EZH1: variants seen among roughly 807,000 people sequenced by gnomAD.
EZH1 encodes the protein enhancer of zeste 1 polycomb repressive complex 2 subunit.
A neutral mutation model predicts 100.5 loss-of-function variants in EZH1; 33 were observed. The ratio of observed to expected loss-of-function variants is 0.33; its 90% CI spans 0.25 to 0.44. The LOEUF (loss-of-function observed/expected upper bound fraction) is 0.44, where lower values mean the gene tolerates loss of function less well. Ranked by LOEUF, EZH1 falls within the 20% of genes least tolerant of loss-of-function variation. The pLI is 1.00. For missense variants in EZH1, 475 were observed against 928.4 expected (o/e 0.51, Z 6.35); for synonymous variants, 272 against 313.8 (o/e 0.87, Z 1.41).
intron 6 of EZH1, among the ~76,000 whole-genome samples, chr17:42,721,473 G>T (rs1295224377): frequency 2.0e-5 from 3 of 152,128 alleles, no homozygotes; most frequent in African/African-American, 7.2e-5. Context: ...CAGAGAAAGA[G>T]AAATAAAGAA....
chr17:42,712,937 C>T (rs777281110), intron 11 of EZH1, among the ~76,000 whole-genome samples: 12 of 148,624 alleles, frequency 8.1e-5, no homozygotes, highest in Non-Finnish European at 1.6e-4. Flanking sequence ...ACTTGGGAGG[C>T]TGAGGCAGGA....
Position 42,718,264 on chromosome 17 carries a change from G to T in EZH1, c.931+190C>A. On this transcript the variant is annotated intron_variant, in intron 9 of 20. Coordinates refer to ENST00000428826, the MANE Select transcript of EZH1 (RefSeq NM_001991.5). This position sits in a 1 kb window ranked among gnomAD's most constrained non-coding sequence, Gnocchi z 4.2. The stretch of plus-strand genomic sequence containing the variant: ...AGAGGTACTGAGGGACAGATAAGTT[G>T]CTAGTTAGTCTGTCCCTATCATGCA... The T allele has an allele frequency of 1.2e-6, 1 of 841,264 alleles. No homozygotes were observed. Among genetic ancestry groups the T allele is most frequent in the Non-Finnish European group, 1.8e-6 (1 of 548,670 alleles). 52.1% of individuals were successfully genotyped at this position (841,264 alleles called of 1,614,324 possible). A position where few individuals can be genotyped will look rare whatever the true frequency, so the allele number is the denominator to read the frequency against.
chr17:42,732,980 C>T (rs2053981747), intron 1 of EZH1, among the ~76,000 whole-genome samples: 1 of 145,536 alleles, frequency 6.9e-6, no homozygotes, highest in African/African-American at 2.6e-5. Flanking sequence ...ATAATTTCAA[C>T]ACTTTGGGAC....
intron 10 of EZH1, chr17:42,714,449 A>G: frequency 3.1e-6 from 1 of 320,638 alleles, no homozygotes. Flanking sequence ...TGTGCCCAGC[A>G]GACTTCGGGG....
At chr17:42,735,814 C>T (rs2054054491) in intron 1 of EZH1, among the ~76,000 whole-genome samples, 2 of 152,040 alleles carry the variant, frequency 1.3e-5, no homozygotes, top group African/African-American at 4.8e-5. Context: ...TGTGAAACCC[C>T]ATCTCTACTA....
At chr17:42,730,384 C>T (rs2053916112) in intron 2 of EZH1, among the ~76,000 whole-genome samples, 1 of 151,564 alleles carries the variant, frequency 6.6e-6, no homozygotes, top group South Asian at 2.1e-4. Context: ...GCAGTATAAT[C>T]TCATCTCCAA....
At chr17:42,737,388 C>T (rs1010724225) in intron 1 of EZH1, among the ~76,000 whole-genome samples, 4 of 152,306 alleles carry the variant, frequency 2.6e-5, no homozygotes, top group African/African-American at 9.6e-5. Context: ...ATCTCTTGGG[C>T]CCAGTTGTTC....
chr17:42,709,593 T>C (rs1262684978), intron 13 of EZH1: 1 of 397,178 alleles, frequency 2.5e-6, no homozygotes, highest in Non-Finnish European at 4.5e-6. Flanking sequence ...CATGTCCTAT[T>C]GGCCAGAAGC....
chr17:42,738,871 T>C (rs1198169348), intron 1 of EZH1, among the ~76,000 whole-genome samples: 3 of 151,718 alleles, frequency 2.0e-5, no homozygotes, highest in Non-Finnish European at 4.4e-5. Context: ...GCGATTCTCT[T>C]GCCTCCACCC....
intron 3 of EZH1, among the ~76,000 whole-genome samples, chr17:42,728,412 C>T (rs1208716745): frequency 6.7e-6 from 1 of 150,334 alleles, no homozygotes; most frequent in African/African-American, 2.4e-5. Flanking sequence ...CCGCACCTGG[C>T]CCTGTTACGA....
intron 10 of EZH1, among the ~76,000 whole-genome samples, chr17:42,717,319 C>T (rs2053625359): frequency 6.6e-6 from 1 of 152,202 alleles, no homozygotes; most frequent in South Asian, 2.1e-4. Flanking sequence ...ATCTTTCCAT[C>T]TATTATCCCA....
chr17:42,739,816 C>T (rs903353749), intron 1 of EZH1, among the ~76,000 whole-genome samples: 2 of 151,188 alleles, frequency 1.3e-5, no homozygotes, highest in African/African-American at 4.9e-5. Context: ...CAGAGTCTCG[C>T]GCTGTCGCCC....
Position 42,721,125 on chromosome 17 carries a change from T to A in EZH1, c.488-676A>T, listed in dbSNP as rs187274649. Among the ~76,000 whole-genome samples the A allele has an allele frequency of 1.5e-3, 233 of 152,316 alleles. 2 individuals are homozygous for A. Among genetic ancestry groups the A allele is most frequent in the African/African-American group, 5.5e-3 (230 of 41,562 alleles). On this transcript the variant is annotated intron_variant, in intron 6 of 20. Coordinates refer to ENST00000428826, the MANE Select transcript of EZH1 (RefSeq NM_001991.5). ...ATGGGTCAGTAATGACGTCTCTAAA[T>A]CAAAAGACAGCAATTTTTCCTAAAA...
At chr17:42,705,214 C>T (rs750748967) in intron 16 of EZH1, 31 bp from the exon 17 acceptor site, 5 of 1,474,834 alleles carry the variant, frequency 3.4e-6, no homozygotes, top group African/African-American at 1.4e-5. Context: ...TCTCAGACTA[C>T]AGGGTGTGCA....
chr17:42,713,292 T>C lies in EZH1; in HGVS notation c.1121A>G (p.Asn374Ser), dbSNP rs779379403. The change falls in exon 11 of 21, where the codon AAT becomes AGT. Residue 374 changes from asparagine (N) to serine (S), a missense_variant. Asn to Ser is a conservative substitution (Grantham distance 46). Coordinates refer to ENST00000428826, the MANE Select transcript of EZH1 (RefSeq NM_001991.5). ...CTCAGCCACAGCAGAGGCTGAGGCA[T>C]TGGAGCAGGAAGCACTGACTATGTG... is the stretch of plus-strand genomic sequence containing the variant. ...RHHIVSASCS[N>S]ASASAVAETK... 2 of 1,614,034 alleles carry C rather than the reference T, an allele frequency of 1.2e-6. No homozygotes were observed. The highest frequency in any genetic ancestry group is 4.5e-5 in the East Asian group (2 of 44,870).
intron 4 of EZH1, among the ~76,000 whole-genome samples, chr17:42,726,473 C>G (rs1489790537): frequency 8.0e-6 from 1 of 124,402 alleles, no homozygotes; most frequent in Non-Finnish European, 1.6e-5. Context: ...ATAGTGAGAT[C>G]TTGTCTCTAA....
intron 6 of EZH1, among the ~76,000 whole-genome samples, chr17:42,720,786 A>C (rs1410779922): frequency 1.3e-5 from 2 of 152,072 alleles, no homozygotes; most frequent in African/African-American, 4.8e-5. Flanking sequence ...CAGCCTCCCG[A>C]GTAGCTGAGA....
intron 1 of EZH1, among the ~76,000 whole-genome samples, chr17:42,733,600 C>A (rs2054000141): frequency 6.8e-6 from 1 of 146,968 alleles, no homozygotes; most frequent in East Asian, 2.0e-4. Context: ...GAGATCGCAC[C>A]ACTGCACTCC....
At position 42,727,665 on chromosome 17, in the gene EZH1, C is replaced by G; in HGVS notation, c.216G>C (p.Lys72Asn). Residue 72 changes from lysine (K) to asparagine (N), a missense_variant, in exon 4 of 21, where the codon AAG (lysine) becomes AAC (asparagine). Transcript: ENST00000428826. The stretch of plus-strand genomic sequence containing the variant: ...TGAGAAAAGGGTGTCCACTCACAGG[C>G]TTCATTGACTGAACAGGTTGGACAC... ...KLRVQPVQSM[K>N]PVSGHPFLKK... The G allele has an allele frequency of 6.2e-7, 1 of 1,613,140 alleles. No individual in the cohort carries two copies. Among genetic ancestry groups the G allele is most frequent in the Non-Finnish European group, 8.5e-7 (1 of 1,179,648 alleles).
Sources: gnomAD v4.1 joint callset for allele counts (sites outside exome capture counted in the v4.1 genomes callset) on GRCh38, gnomAD v4.1.1 for gene constraint, Gnocchi (gnomAD v3.1) non-coding constraint, MANE v1.5 for transcripts, NCBI Gene and HGNC (gene_info 2026-07-23, HGNC 2026-07-21) for gene names.